Variants in CSNK1G2 observed in about 807,000 individuals in gnomAD.
CSNK1G2 encodes the protein casein kinase I isoform gamma-2.
CSNK1G2 carries 11 observed loss-of-function variants against 48.0 expected under a neutral mutation model. The ratio of observed to expected loss-of-function variants is 0.23; its 90% CI spans 0.14 to 0.38. The LOEUF is 0.38. Among genes scored for constraint, CSNK1G2 ranks in the 10% least tolerant of loss-of-function variants. The pLI is 1.00. For missense variants in CSNK1G2, 446 were observed against 595.5 expected, an observed-to-expected ratio of 0.75 and a Z score of 2.61; for synonymous variants, 337 against 254.1, an observed-to-expected ratio of 1.33 and a Z score of -3.10.
In CSNK1G2 at chr19:1,975,565, C is replaced by A. The variant is rs375747981; in HGVS notation, c.188-2740C>A. The A allele has an allele frequency of 1.6e-5, 16 of 985,290 alleles. No individual in the cohort carries two copies. The African/African-American group carries it at 2.6e-4, about 16-fold the overall frequency. 61.0% of individuals were successfully genotyped at this position (985,290 alleles called of 1,614,324 possible). ...ACACGCAGCACGACACGGCGAGGAG[C>A]CCACCGCAGGGGCAGCCTTTTGGGC... is the stretch of plus-strand genomic sequence containing the variant. On this transcript the variant is annotated intron_variant, in intron 2 of 11. Coordinates refer to ENST00000255641, the MANE Select transcript of CSNK1G2 (RefSeq NM_001319.7).
chr19:1,975,555 C>T (rs371798178), intron 2 of CSNK1G2: 25 of 985,270 alleles, frequency 2.5e-5, no homozygotes, highest in Middle Eastern at 5.2e-4. Context: ...CAGCACGACA[C>T]GGCGAGGAGC....
rs1277761750 is a variant in CSNK1G2 at position 1,969,545 on chromosome 19, G to T, written c.-228G>T. The T allele has an allele frequency of 1.4e-5, 5 of 365,222 alleles. No homozygotes were observed. In the East Asian group the frequency reaches 2.0e-4, roughly 15 times the overall value. The allele number at this position is 365,222 out of a possible 1,614,324, so 22.6% of individuals were successfully genotyped here. On this transcript the variant is annotated 5_prime_UTR_variant, in exon 2 of 12. Transcript: ENST00000255641. ...AGCTTTGAGGCGGTGGGATGTGTCA[G>T]CAGAATGTCTCCTGCCCCCGAGAGC... is the stretch of plus-strand genomic sequence containing the variant.
In CSNK1G2 at chr19:1,976,022, G is replaced by A. The variant is rs149908804; in HGVS notation, c.188-2283G>A. 1.4e-5 allele frequency: 18 copies of A among 1,267,096 alleles called. No homozygotes were observed. In the South Asian group the frequency reaches 1.7e-4, roughly 12 times the overall value. 78.5% of individuals were successfully genotyped at this position (1,267,096 alleles called of 1,614,324 possible). A position where few individuals can be genotyped will look rare whatever the true frequency, so the allele number is the denominator to read the frequency against. ...TGCACTCCAGCCTGGGCAACAGAAC[G>A]AGACTCTGCTCCAAAAAGAAAAAAA... On this transcript the variant is annotated intron_variant, in intron 2 of 11. Coordinates refer to ENST00000255641, the MANE Select transcript of CSNK1G2 (RefSeq NM_001319.7).
chr19:1,944,783 G>C (rs1017031743), intron 1 of CSNK1G2, among the ~76,000 whole-genome samples: 1 of 152,158 alleles, frequency 6.6e-6, no homozygotes, highest in Non-Finnish European at 1.5e-5. Context: ...AATGCACTGC[G>C]GGCAGCCCTG....
chr19:1,981,087 C>G lies in CSNK1G2; in HGVS notation c.*884C>G, dbSNP rs2015975917. 1 of 152,236 alleles carries G rather than the reference C, an allele frequency of 6.6e-6. No individual in the cohort carries two copies. Among genetic ancestry groups the G allele is most frequent in the Non-Finnish European group, 1.5e-5 (1 of 68,058 alleles). 9.4% of individuals were successfully genotyped at this position (152,236 alleles called of 1,614,324 possible). A position where few individuals can be genotyped will look rare whatever the true frequency, so the allele number is the denominator to read the frequency against. ...CCGGAGACAAAACGCCTTAAAGCCCCCGGCCCAGCCCTGCAGGTATATTGC... is the reference window on the plus strand; with the variant it reads ...CCGGAGACAAAACGCCTTAAAGCCCGCGGCCCAGCCCTGCAGGTATATTGC... On this transcript the variant is annotated 3_prime_UTR_variant, in exon 12 of 12. Transcript: ENST00000255641.
intron 1 of CSNK1G2, among the ~76,000 whole-genome samples, chr19:1,956,279 TG>T (rs2014995601): frequency 6.6e-6 from 1 of 152,082 alleles, no homozygotes; most frequent in South Asian, 2.1e-4. Context: ...TTCTGGGGGT[TG>T]GGGCTTGTCA....
rs2015831866 is a variant in CSNK1G2, at chr19:1,978,336, T to A, written c.219T>A (p.Ala73=). Residue 73 remains alanine (A), a synonymous_variant, in exon 3 of 12, where the codon GCT becomes GCA. Coordinates refer to ENST00000255641, the MANE Select transcript of CSNK1G2 (RefSeq NM_001319.7). This position sits in a 1 kb window ranked among gnomAD's most constrained non-coding sequence, Gnocchi z 7.3. ...ATCTCTATACAAATGAATACGTGGC[T>A]ATCAAATTGGTGAGTCGGCCCCTCC... ...GKNLYTNEYV[A]IKLEPIKSRA... is the part of the protein sequence containing the mutation. The A allele has an allele frequency of 6.2e-7, 1 of 1,613,470 alleles. No individual in the cohort carries two copies. Among genetic ancestry groups the A allele is most frequent in the South Asian group, 1.1e-5 (1 of 91,084 alleles).
intron 8 of CSNK1G2, 21 bp downstream of exon 8, chr19:1,979,424 C>CCCCCGGGGGG: frequency 1.3e-6 from 2 of 1,538,526 alleles, no homozygotes; most frequent in Non-Finnish European, 1.8e-6. Context: ...CCTGCGCCCC[C>CCCCCGGGGGG]GCCCTGTGCC....
At chr19:1,946,486 T>C (rs978887225) in intron 1 of CSNK1G2, among the ~76,000 whole-genome samples, 1 of 149,904 alleles carries the variant, frequency 6.7e-6, no homozygotes, top group African/African-American at 2.5e-5. Flanking sequence ...AGAGACGGGG[T>C]TTCACCGTGT....
rs926885982 is a variant in CSNK1G2 at position 1,941,246 on chromosome 19, C to T, written c.-438C>T. On this transcript the variant is annotated 5_prime_UTR_variant, in exon 1 of 12. Transcript: ENST00000255641. ...CGCGGCGAGCCCGGCGCCTCCCGTC[C>T]CGAACATGCGGAGGCCGGCCCAGGC... 6 of 146,342 alleles carry T rather than the reference C, an allele frequency of 4.1e-5. No individual in the cohort carries two copies. Among genetic ancestry groups the T allele is most frequent in the Non-Finnish European group, 7.6e-5 (5 of 65,876 alleles). The allele number at this position is 146,342 out of a possible 1,614,324, so 9.1% of individuals were successfully genotyped here.
chr19:1,952,901 C>T, intron 1 of CSNK1G2: 1 of 448,204 alleles, frequency 2.2e-6, no homozygotes. Flanking sequence ...GAGCTGGCAA[C>T]CGAGGTGACT....
chr19:1,956,061 G>A (rs2014987727), intron 1 of CSNK1G2, among the ~76,000 whole-genome samples: 1 of 152,202 alleles, frequency 6.6e-6, no homozygotes, highest in Non-Finnish European at 1.5e-5. Context: ...CTGAGTGCAG[G>A]GCCTGCCCCT....
chr19:1,971,323 T>C (rs1282416262), intron 2 of CSNK1G2, among the ~76,000 whole-genome samples: 2 of 152,178 alleles, frequency 1.3e-5, no homozygotes, highest in South Asian at 2.1e-4. Flanking sequence ...GCTGCTGGGA[T>C]TCCACCTCTG....
intron 2 of CSNK1G2, among the ~76,000 whole-genome samples, chr19:1,974,173 T>A (rs1279344692): frequency 6.6e-6 from 1 of 152,174 alleles, no homozygotes; most frequent in Non-Finnish European, 1.5e-5. Context: ...GTTACAGGCA[T>A]GAGCCACTGC....
intron 1 of CSNK1G2, among the ~76,000 whole-genome samples, chr19:1,946,387 G>C (rs1262004296): frequency 2.0e-5 from 3 of 150,870 alleles, no homozygotes; most frequent in African/African-American, 7.3e-5. Context: ...CGCCTCTTGG[G>C]TTCACGCCAT....
At chr19:1,970,337 G>C (rs915416791) in intron 2 of CSNK1G2, among the ~76,000 whole-genome samples, 1 of 152,240 alleles carries the variant, frequency 6.6e-6, no homozygotes, top group African/African-American at 2.4e-5. Context: ...CACTCAGCTC[G>C]TGGGAGGTCT....
At chr19:1,970,310 G>A (rs578226402) in intron 2 of CSNK1G2, among the ~76,000 whole-genome samples, 2 of 152,386 alleles carry the variant, frequency 1.3e-5, no homozygotes, top group East Asian at 3.9e-4. Context: ...CGGCTTTAAC[G>A]GCAGGTGCCT....
At chr19:1,948,624 A>G (rs1245518805) in intron 1 of CSNK1G2, among the ~76,000 whole-genome samples, 2 of 151,612 alleles carry the variant, frequency 1.3e-5, no homozygotes, top group Non-Finnish European at 2.9e-5. Flanking sequence ...TTAGAGCATG[A>G]GCCACTTTTT....
At chr19:1,973,457 G>A (rs1218468174) in intron 2 of CSNK1G2, among the ~76,000 whole-genome samples, 1 of 152,214 alleles carries the variant, frequency 6.6e-6, no homozygotes, top group Non-Finnish European at 1.5e-5. Flanking sequence ...TGATCTGCCC[G>A]CCTTGGCCTC....
Sources: gnomAD v4.1 joint callset for allele counts (sites outside exome capture counted in the v4.1 genomes callset) on GRCh38, gnomAD v4.1.1 for gene constraint, Gnocchi (gnomAD v3.1) non-coding constraint, MANE v1.5 for transcripts, NCBI Gene and HGNC (gene_info 2026-07-23, HGNC 2026-07-21) for gene names.